Variants in SLC5A4 observed in about 807,000 individuals in gnomAD.
SLC5A4 encodes the protein probable glucose sensor protein SLC5A4.
In SLC5A4, 55 loss-of-function variants were observed where a neutral mutation model predicts 70.3. That is an observed-to-expected ratio of 0.78 (90% confidence interval 0.63 to 0.98). The LOEUF (loss-of-function observed/expected upper bound fraction) is 0.98, where lower values mean the gene tolerates loss of function less well. Ranked by LOEUF, SLC5A4 falls within the 50% of genes least tolerant of loss-of-function variation. The probability of loss-of-function intolerance (pLI) is 0.00; values close to 1 mark genes in which losing one functional copy is unlikely to be tolerated. For missense variants in SLC5A4, 735 were observed against 839.2 expected (o/e 0.88, Z 1.53); for synonymous variants, 268 against 305.7 (o/e 0.88, Z 1.29).
chr22:32,345,144 G>C, the SLC5A4 span, among the ~76,000 whole-genome samples: 2 of 151,948 alleles, frequency 1.3e-5, no homozygotes, highest in Admixed American at 6.6e-5. Flanking sequence ...AATTTGTATA[G>C]AACATTTAAA....
chr22:32,306,731 C>G, the SLC5A4 span, among the ~76,000 whole-genome samples: 1 of 152,172 alleles, frequency 6.6e-6, no homozygotes, highest in Non-Finnish European at 1.5e-5. Context: ...GGTCTCCTGC[C>G]TTGTTAAGGT....
chr22:32,234,025 G>T (rs1925916889), intron 8 of SLC5A4, among the ~76,000 whole-genome samples: 1 of 152,114 alleles, frequency 6.6e-6, no homozygotes, highest in Non-Finnish European at 1.5e-5. Context: ...CTTGCATGGG[G>T]CTGAGAAGGG....
At chr22:32,270,669 G>A in the SLC5A4 span, 5 of 707,804 alleles carry the variant, frequency 7.1e-6, no homozygotes, top group East Asian at 2.6e-5. Context: ...TCCAAGTGTC[G>A]CTGCTGGGCA....
chr22:32,291,753 T>G, the SLC5A4 span, among the ~76,000 whole-genome samples: 1 of 151,952 alleles, frequency 6.6e-6, no homozygotes, highest in Non-Finnish European at 1.5e-5. Context: ...TCATTATGAT[T>G]TATTCCTTGA....
At chr22:32,260,127 TC>T (rs1449272659), upstream of SLC5A4, among the ~76,000 whole-genome samples, 1 of 151,584 alleles carries the variant, frequency 6.6e-6, no homozygotes. Context: ...GGGAGAGGGG[TC>T]CCCCTATACT....
the SLC5A4 span, chr22:32,272,533 C>T: frequency 2.7e-5 from 18 of 667,588 alleles, no homozygotes; most frequent in Middle Eastern, 3.7e-4. Flanking sequence ...CGCTGAGCCT[C>T]GTCATGTGAT....
intron 7 of SLC5A4, among the ~76,000 whole-genome samples, chr22:32,236,765 C>T (rs368291488): frequency 1.0e-4 from 15 of 149,110 alleles, no homozygotes; most frequent in East Asian, 5.9e-4. Context: ...AGTGCAGTGG[C>T]GCCATCTCGG....
At chr22:32,333,672 C>G in the SLC5A4 span, among the ~76,000 whole-genome samples, 1 of 151,722 alleles carries the variant, frequency 6.6e-6, no homozygotes, top group Non-Finnish European at 1.5e-5. Flanking sequence ...TGGCCCGCCC[C>G]TGATGCTGGG....
chr22:32,332,077 T>G, the SLC5A4 span, among the ~76,000 whole-genome samples: 1 of 151,416 alleles, frequency 6.6e-6, no homozygotes, highest in Non-Finnish European at 1.5e-5. Context: ...CACTCCCTGG[T>G]GCCGGCCCCT....
chr22:32,270,437 A>C, the SLC5A4 span: 2 of 1,265,422 alleles, frequency 1.6e-6, no homozygotes, highest in South Asian at 2.6e-5. Flanking sequence ...CTGGTGCCTA[A>C]GGAGGAGAAA....
At chr22:32,272,191 A>C in the SLC5A4 span, 1 of 741,644 alleles carries the variant, frequency 1.3e-6, no homozygotes, top group African/African-American at 1.7e-5. Flanking sequence ...CAGGAGGAGG[A>C]GGAGGTCATG....
the SLC5A4 span, among the ~76,000 whole-genome samples, chr22:32,308,592 CTG>C: frequency 4.6e-5 from 7 of 152,346 alleles, no homozygotes; most frequent in South Asian, 2.1e-4. Context: ...CCATTCCTGG[CTG>C]TGTTTCCCCT....
the SLC5A4 span, among the ~76,000 whole-genome samples, chr22:32,306,635 G>A: frequency 1.3e-5 from 2 of 152,154 alleles, no homozygotes; most frequent in Non-Finnish European, 2.9e-5. Flanking sequence ...GTTTACAGGA[G>A]AGAAAATATT....
At chr22:32,290,260 CCT>C in the SLC5A4 span, among the ~76,000 whole-genome samples, 3 of 152,066 alleles carry the variant, frequency 2.0e-5, no homozygotes, top group Admixed American at 1.3e-4. Flanking sequence ...GCCCCCATCC[CCT>C]GACAGGCCCC....
the SLC5A4 span, among the ~76,000 whole-genome samples, chr22:32,350,415 A>G: frequency 6.6e-6 from 1 of 152,128 alleles, no homozygotes; most frequent in Non-Finnish European, 1.5e-5. Flanking sequence ...GCCCCCTTAG[A>G]GCTTAGAACC....
intron 7 of SLC5A4, among the ~76,000 whole-genome samples, chr22:32,236,705 A>AT (rs551794690): frequency 0.014 from 2,045 of 142,854 alleles, 34 homozygotes; most frequent in African/African-American, 0.039. Flanking sequence ...CTAAGCAGTA[A>AT]TTTTTTTTTT....
At chr22:32,354,195 ACCCCC>A in the SLC5A4 span, among the ~76,000 whole-genome samples, 6 of 21,902 alleles carry the variant, frequency 2.7e-4, no homozygotes, top group South Asian at 1.7e-3. Context: ...CCAGCCTCCC[ACCCCC>A]TCTACACGGG....
At position 32,255,310 on chromosome 22, in the gene SLC5A4, G is replaced by A. The variant is rs1468036593; in HGVS notation, c.20C>T (p.Pro7Leu). ...CTCTGGGGTCTCAGCTATGGTGCTG[G>A]GGCTAACCGTACTGGCCATGGCTGC... Reference protein sequence around the residue: MASTVSPSTIAETPEPP... With the variant: MASTVSLSTIAETPEPP... The change falls in exon 1 of 15, where the codon CCC becomes CTC. Residue 7 changes from proline (P) to leucine (L), a missense_variant. Physicochemically the swap from Pro to Leu is moderately conservative, Grantham distance 98. Coordinates refer to ENST00000266086, the MANE Select transcript of SLC5A4 (RefSeq NM_014227.3). 7.4e-6 allele frequency: 12 copies of A among 1,614,120 alleles called. No homozygotes were observed. The highest frequency in any genetic ancestry group is 1.3e-5 in the African/African-American group (1 of 75,032).
chr22:32,219,629 G>GAAAAAAAAAAAAAAAAAAAAAAA (rs1569363402), intron 14 of SLC5A4, among the ~76,000 whole-genome samples: 1 of 1,710 alleles, frequency 5.8e-4, no homozygotes, highest in African/African-American at 6.3e-3. Flanking sequence ...ATCCAACTTA[G>GAAAAAAAAAAAAAAAAAAAAAAA]CAAAAAAAAA....
Sources: allele counts gnomAD v4.1 joint callset (sites outside exome capture counted in the v4.1 genomes callset), GRCh38; gene constraint gnomAD v4.1.1; transcripts MANE v1.5; gene names NCBI Gene and HGNC (gene_info 2026-07-23, HGNC 2026-07-21).